Variants in HPSE2 observed in about 807,000 individuals in gnomAD.
The protein encoded by HPSE2 is heparanase 2 (inactive).
Under a neutral mutation model 60.5 loss-of-function variants are expected in HPSE2, and 38 were observed. The observed-to-expected ratio is 0.63, with a 90% confidence interval of 0.48 to 0.82. The LOEUF (loss-of-function observed/expected upper bound fraction) is 0.82, where lower values mean the gene tolerates loss of function less well. HPSE2 is among the 40% of genes least tolerant of loss of function. The pLI is 0.00. For synonymous variants in HPSE2, 295 were observed against 293.2 expected (o/e 1.01, Z -0.06); for missense variants, 713 against 740.4 (o/e 0.96, Z 0.43).
chr10:99,288,103 G>C, the HPSE2 span, among the ~76,000 whole-genome samples: 3 of 152,200 alleles, frequency 2.0e-5, no homozygotes, highest in Non-Finnish European at 2.9e-5. Context: ...AACATGATGA[G>C]AGTGAGAGTG....
intron 3 of HPSE2, among the ~76,000 whole-genome samples, chr10:99,033,965 C>A (rs1425262610): frequency 2.0e-5 from 3 of 152,132 alleles, no homozygotes; most frequent in East Asian, 3.9e-4. Flanking sequence ...TCACTCTGCA[C>A]TCCAAAGTAG....
intron 9 of HPSE2, among the ~76,000 whole-genome samples, chr10:98,494,599 G>C (rs539865212): frequency 1.3e-5 from 2 of 152,246 alleles, no homozygotes; most frequent in African/African-American, 4.8e-5. Context: ...AATAAATTTT[G>C]CTTTTAAGAG....
intron 3 of HPSE2, among the ~76,000 whole-genome samples, chr10:98,846,982 T>C (rs1011645326): frequency 3.3e-5 from 5 of 152,128 alleles, no homozygotes; most frequent in African/African-American, 1.2e-4. Flanking sequence ...TAAAATGACG[T>C]CATGATCTCA....
chr10:98,598,975 C>G (rs1945323628), intron 9 of HPSE2, among the ~76,000 whole-genome samples: 1 of 151,670 alleles, frequency 6.6e-6, no homozygotes, highest in Non-Finnish European at 1.5e-5. Flanking sequence ...GAGGGGTGAC[C>G]TGGATCCTTA....
At chr10:98,720,557 G>T (rs1245911762) in intron 5 of HPSE2, among the ~76,000 whole-genome samples, 1 of 151,922 alleles carries the variant, frequency 6.6e-6, no homozygotes, top group African/African-American at 2.4e-5. Flanking sequence ...AAAAAATTTG[G>T]CAACAAATAT....
chr10:99,018,174 A>G (rs2135418669), intron 3 of HPSE2, among the ~76,000 whole-genome samples: 1 of 152,290 alleles, frequency 6.6e-6, no homozygotes, highest in African/African-American at 2.4e-5. Flanking sequence ...TTAAAACTCT[A>G]GCAGCTTAAT....
At chr10:98,876,542 T>C (rs529022830) in intron 3 of HPSE2, among the ~76,000 whole-genome samples, 1 of 152,096 alleles carries the variant, frequency 6.6e-6, no homozygotes, top group Non-Finnish European at 1.5e-5. Flanking sequence ...TAGAATCTTC[T>C]TGGCTAAAAC....
At chr10:98,599,491 T>C (rs7079358) in intron 9 of HPSE2, among the ~76,000 whole-genome samples, 59,151 of 151,992 alleles carry the variant, frequency 0.39, 11,666 homozygotes, top group East Asian at 0.51. Flanking sequence ...TCTTGACTGG[T>C]GCAGGGCGGG....
At chr10:99,009,192 C>T (rs1429717659) in intron 3 of HPSE2, among the ~76,000 whole-genome samples, 1 of 134,878 alleles carries the variant, frequency 7.4e-6, no homozygotes, top group Non-Finnish European at 1.5e-5. Flanking sequence ...TCGCTAGAAG[C>T]CAGGGGTTCA....
At chr10:98,970,735 T>G (rs193123885) in intron 3 of HPSE2, among the ~76,000 whole-genome samples, 1 of 152,288 alleles carries the variant, frequency 6.6e-6, no homozygotes, top group East Asian at 1.9e-4. Flanking sequence ...GAGAAAGAGC[T>G]TTATTTCAAG....
intron 2 of HPSE2, among the ~76,000 whole-genome samples, chr10:99,159,825 A>G (rs1846749530): frequency 6.6e-6 from 1 of 152,210 alleles, no homozygotes; most frequent in African/African-American, 2.4e-5. Context: ...CTTCATCAAG[A>G]GTAAAAGTGT....
intron 5 of HPSE2, among the ~76,000 whole-genome samples, chr10:98,714,905 G>A (rs1029963805): frequency 4.0e-5 from 6 of 151,572 alleles, no homozygotes; most frequent in African/African-American, 1.2e-4. Context: ...ATCTCGCTGT[G>A]GTTTTGATTA....
At chr10:98,722,976 C>T (rs1457740068) in intron 4 of HPSE2, among the ~76,000 whole-genome samples, 1 of 152,166 alleles carries the variant, frequency 6.6e-6, no homozygotes, top group Non-Finnish European at 1.5e-5. Context: ...TGCCTGATTG[C>T]CCTGGCCAGA....
intron 11 of HPSE2, among the ~76,000 whole-genome samples, chr10:98,473,532 G>GAA (rs1554911865): frequency 2.1e-5 from 3 of 139,664 alleles, no homozygotes; most frequent in South Asian, 2.3e-4. Context: ...AAGAGAGAGA[G>GAA]AGAAAGAAAG....
intron 9 of HPSE2, among the ~76,000 whole-genome samples, chr10:98,492,213 A>G (rs1941670293): frequency 6.6e-6 from 1 of 152,216 alleles, no homozygotes; most frequent in Non-Finnish European, 1.5e-5. Context: ...ATTTGGAAAA[A>G]AGAGATATTA....
At chr10:98,607,225 G>T (rs934062008) in intron 9 of HPSE2, among the ~76,000 whole-genome samples, 1 of 152,028 alleles carries the variant, frequency 6.6e-6, no homozygotes, top group Non-Finnish European at 1.5e-5. Context: ...CTGTCTGCAC[G>T]TTGCTTCAAG....
chr10:99,308,480 A>G, the HPSE2 span, among the ~76,000 whole-genome samples: 1 of 151,926 alleles, frequency 6.6e-6, no homozygotes, highest in Non-Finnish European at 1.5e-5. Flanking sequence ...GGCCATGAAA[A>G]GAAGTACTGA....
At position 98,727,268 on chromosome 10, in the gene HPSE2, C is replaced by A. The variant is rs553451323; in HGVS notation, c.785-5440G>T. Among the ~76,000 whole-genome samples, 9 of 152,226 alleles carry A rather than the reference C, an allele frequency of 5.9e-5. No homozygotes were observed. In the East Asian group the frequency reaches 1.7e-3, roughly 29 times the overall value. ...ACATGAAAAAAATAGAAAAGTTTGA[C>A]TCATACCAGCAAAAAACATAGAAAC... On this transcript the variant is annotated intron_variant, in intron 4 of 11. Coordinates refer to ENST00000370552, the MANE Select transcript of HPSE2 (RefSeq NM_021828.5).
intron 2 of HPSE2, among the ~76,000 whole-genome samples, chr10:99,160,735 T>C (rs556944108): frequency 0.013 from 2,005 of 150,778 alleles, 19 homozygotes; most frequent in Non-Finnish European, 0.022. Flanking sequence ...CCGTCTCTAC[T>C]AAAAATACAA....
Sources: allele counts gnomAD v4.1 joint callset (sites outside exome capture counted in the v4.1 genomes callset), GRCh38; gene constraint gnomAD v4.1.1; transcripts MANE v1.5; gene names NCBI Gene and HGNC (gene_info 2026-07-23, HGNC 2026-07-21).